MKLN1: variants seen among roughly 807,000 people sequenced by gnomAD.
MKLN1 encodes the protein muskelin.
A neutral mutation model predicts 99.0 loss-of-function variants in MKLN1; 18 were observed. The ratio of observed to expected loss-of-function variants is 0.18; its 90% confidence interval spans 0.13 to 0.27. The LOEUF is 0.27. MKLN1 is among the 10% of genes least tolerant of loss of function. MKLN1 has a pLI of 1.00. For synonymous variants in MKLN1, 288 were observed against 293.2 expected (o/e 0.98, Z 0.18); for missense variants, 621 against 875.9 (o/e 0.71, Z 3.67).
At chr7:131,248,486 A>G (rs1797529804) in intron 3 of MKLN1, among the ~76,000 whole-genome samples, 1 of 152,144 alleles carries the variant, frequency 6.6e-6, no homozygotes, top group African/African-American at 2.4e-5. Context: ...CCATTTGCCA[A>G]GCACCGTGCT....
intron 1 of MKLN1, among the ~76,000 whole-genome samples, chr7:131,365,236 G>A (rs894639112): frequency 5.3e-5 from 8 of 152,196 alleles, no homozygotes; most frequent in African/African-American, 1.9e-4. Context: ...TCATATGCTT[G>A]TTGGTTGTCA....
chr7:131,340,402 C>T (rs990297135), intron 1 of MKLN1, among the ~76,000 whole-genome samples: 4 of 151,710 alleles, frequency 2.6e-5, no homozygotes, highest in Middle Eastern at 3.4e-3. Context: ...CTCAGCCCCC[C>T]CAAGTAGCTG....
At chr7:131,231,294 A>G (rs926242220) in intron 3 of MKLN1, among the ~76,000 whole-genome samples, 4 of 152,130 alleles carry the variant, frequency 2.6e-5, no homozygotes, top group Admixed American at 6.6e-5. Flanking sequence ...CTATCAGTAC[A>G]TGGCTGTCAA....
At chr7:131,201,436 T>A (rs1052296805) in intron 2 of MKLN1, among the ~76,000 whole-genome samples, 3 of 152,224 alleles carry the variant, frequency 2.0e-5, no homozygotes, top group African/African-American at 7.2e-5. Flanking sequence ...TAAAACTACA[T>A]GATCATATCT....
intron 3 of MKLN1, among the ~76,000 whole-genome samples, chr7:131,243,284 A>G (rs1476971629): frequency 6.6e-6 from 1 of 152,160 alleles, no homozygotes; most frequent in Non-Finnish European, 1.5e-5. Flanking sequence ...CCATGTCACA[A>G]ATACCTGCTC....
chr7:131,335,429 A>C (rs1279649292), intron 1 of MKLN1, among the ~76,000 whole-genome samples: 1 of 152,194 alleles, frequency 6.6e-6, no homozygotes, highest in Non-Finnish European at 1.5e-5. Context: ...TTATCTAGGA[A>C]TAATTTAAGT....
At chr7:131,386,255 G>T (rs371214032) in intron 2 of MKLN1, among the ~76,000 whole-genome samples, 1 of 151,908 alleles carries the variant, frequency 6.6e-6, no homozygotes, top group Non-Finnish European at 1.5e-5. Flanking sequence ...CTTGTGATCC[G>T]CCCACCTCGG....
At chr7:131,375,387 A>C in intron 1 of MKLN1, 37 bp from the exon 2 acceptor site, 1 of 1,368,068 alleles carries the variant, frequency 7.3e-7, no homozygotes, top group African/African-American at 1.4e-5. Context: ...TTGCCTATTC[A>C]TGTTCTCTTA....
chr7:131,321,386 T>G (rs1431756846), intron 3 of MKLN1, among the ~76,000 whole-genome samples: 1 of 151,968 alleles, frequency 6.6e-6, no homozygotes, highest in Admixed American at 6.6e-5. Flanking sequence ...TGAGAATAGA[T>G]GGACACAAGA....
At chr7:131,161,828 A>G (rs4731760) in intron 2 of MKLN1, among the ~76,000 whole-genome samples, 148,569 of 152,042 alleles carry the variant, frequency 0.98, 72,687 homozygotes, top group South Asian at 1. Flanking sequence ...CGTGAGCCAC[A>G]ATGCCTGGCC....
chr7:131,414,997 A>T (rs1563336579), intron 8 of MKLN1, among the ~76,000 whole-genome samples: 2 of 152,130 alleles, frequency 1.3e-5, no homozygotes, highest in Non-Finnish European at 2.9e-5. Context: ...GAGAACTAAG[A>T]TATATTTTTA....
intron 1 of MKLN1, among the ~76,000 whole-genome samples, chr7:131,138,423 T>TG (rs1795684083): frequency 6.6e-6 from 1 of 152,234 alleles, no homozygotes; most frequent in Admixed American, 6.5e-5. Flanking sequence ...GAAGTTACAC[T>TG]GAACCAGGCA....
chr7:131,134,581 G>A (rs777685105), intron 1 of MKLN1, among the ~76,000 whole-genome samples: 1 of 152,038 alleles, frequency 6.6e-6, no homozygotes, highest in Non-Finnish European at 1.5e-5. Flanking sequence ...TCTCCTTCCT[G>A]CCTTTAGCTT....
At chr7:131,442,337 C>T (rs1013026458) in intron 10 of MKLN1, among the ~76,000 whole-genome samples, 3 of 152,138 alleles carry the variant, frequency 2.0e-5, no homozygotes, top group South Asian at 2.1e-4. Flanking sequence ...CACCTGAGGT[C>T]GAGAGTTCAA....
chr7:131,187,483 T>A (rs893573534), intron 2 of MKLN1, among the ~76,000 whole-genome samples: 2 of 152,346 alleles, frequency 1.3e-5, no homozygotes, highest in East Asian at 3.9e-4. Context: ...GTTTCTGTAA[T>A]TAAGTTTTAC....
chr7:131,292,904 C>A (rs1481153677), intron 3 of MKLN1, among the ~76,000 whole-genome samples: 3 of 152,210 alleles, frequency 2.0e-5, no homozygotes, highest in Non-Finnish European at 4.4e-5. Context: ...AAGTTTCAAG[C>A]TTAACAGCAC....
intron 3 of MKLN1, among the ~76,000 whole-genome samples, chr7:131,278,640 G>A (rs1428857712): frequency 6.6e-6 from 1 of 151,644 alleles, no homozygotes; most frequent in Non-Finnish European, 1.5e-5. Flanking sequence ...TAAGAGACAG[G>A]GTGTCATTCT....
At chr7:131,206,390 A>T (rs1337466453) in intron 3 of MKLN1, among the ~76,000 whole-genome samples, 1 of 152,156 alleles carries the variant, frequency 6.6e-6, no homozygotes, top group Non-Finnish European at 1.5e-5. Context: ...ATAAGGAAAT[A>T]GTTACTCAGT....
chr7:131,199,719 A>G (rs980057563), intron 2 of MKLN1, among the ~76,000 whole-genome samples: 3 of 152,170 alleles, frequency 2.0e-5, no homozygotes, highest in African/African-American at 7.2e-5. Context: ...ATTGAGACGG[A>G]GTCTCACTCT....
Sources: allele counts gnomAD v4.1 joint callset (sites outside exome capture counted in the v4.1 genomes callset), GRCh38; gene constraint gnomAD v4.1.1; transcripts MANE v1.5; gene names NCBI Gene and HGNC (gene_info 2026-07-23, HGNC 2026-07-21).